The following EXOC4 variants were observed in gnomAD, a reference collection of about 807,000 sequenced individuals.
EXOC4 encodes the protein exocyst complex component 4, also known as SEC8-like 1.
A neutral mutation model predicts 107.2 loss-of-function variants in EXOC4; 71 were observed. The ratio of observed to expected loss-of-function variants is 0.66; its 90% CI spans 0.55 to 0.81. The LOEUF (loss-of-function observed/expected upper bound fraction) is 0.81, where lower values mean the gene tolerates loss of function less well. Ranked by LOEUF, EXOC4 falls within the 30% of genes least tolerant of loss-of-function variation. The probability of loss-of-function intolerance (pLI) is 0.00; values close to 1 mark genes in which losing one functional copy is unlikely to be tolerated. For missense variants in EXOC4, 1,108 were observed against 1,189.6 expected, an observed-to-expected ratio of 0.93 and a Z score of 1.01; for synonymous variants, 456 against 441.2, an observed-to-expected ratio of 1.03 and a Z score of -0.42.
chr7:133,437,348 C>T (rs1045606308), intron 7 of EXOC4, among the ~76,000 whole-genome samples: 3 of 152,170 alleles, frequency 2.0e-5, no homozygotes, highest in East Asian at 3.8e-4. Context: ...CCCTGTGGTA[C>T]AATTTTCTGT....
chr7:133,680,286 A>G (rs1451353189), intron 10 of EXOC4, among the ~76,000 whole-genome samples: 2 of 152,204 alleles, frequency 1.3e-5, no homozygotes, highest in Non-Finnish European at 2.9e-5. Flanking sequence ...ATTCACTACA[A>G]TTCTAAATTG....
intron 10 of EXOC4, among the ~76,000 whole-genome samples, chr7:133,756,218 A>G (rs1795913666): frequency 6.6e-6 from 1 of 152,230 alleles, no homozygotes; most frequent in Non-Finnish European, 1.5e-5. Flanking sequence ...TAAATCAACC[A>G]TAATTACTAT....
intron 11 of EXOC4, among the ~76,000 whole-genome samples, chr7:133,875,717 C>CG (rs1268785657): frequency 2.6e-5 from 4 of 152,290 alleles, no homozygotes; most frequent in African/African-American, 9.6e-5. Flanking sequence ...GTACCACACA[C>CG]TACCTTCACA....
At chr7:133,653,580 G>C (rs954856294) in intron 10 of EXOC4, among the ~76,000 whole-genome samples, 6 of 152,180 alleles carry the variant, frequency 3.9e-5, no homozygotes, top group Non-Finnish European at 8.8e-5. Context: ...TGGGTCTTCA[G>C]CTCTGCAAAT....
At chr7:133,483,980 G>A (rs1351207183) in intron 9 of EXOC4, 1 of 1,578,908 alleles carries the variant, frequency 6.3e-7, no homozygotes, top group Non-Finnish European at 8.7e-7. Flanking sequence ...ACACCATATA[G>A]CGGCAGGCTT....
At chr7:133,410,628 C>T (rs1160836333) in intron 7 of EXOC4, among the ~76,000 whole-genome samples, 1 of 152,052 alleles carries the variant, frequency 6.6e-6, no homozygotes, top group Non-Finnish European at 1.5e-5. Flanking sequence ...CTGGGGATGA[C>T]AGAGGGAGAA....
intron 9 of EXOC4, among the ~76,000 whole-genome samples, chr7:133,522,736 AG>A: frequency 2.6e-5 from 4 of 152,208 alleles, no homozygotes; most frequent in Admixed American, 2.6e-4. Flanking sequence ...TTTTCCCTCC[AG>A]TTGAAGAGCA....
chr7:133,618,633 T>A (rs989050400), intron 9 of EXOC4, among the ~76,000 whole-genome samples: 3 of 152,198 alleles, frequency 2.0e-5, no homozygotes, highest in African/African-American at 4.8e-5. Flanking sequence ...AGGTCAGTAC[T>A]TCAAACATAG....
chr7:134,100,364 C>CAG, the EXOC4 span, among the ~76,000 whole-genome samples: 4 of 128,618 alleles, frequency 3.1e-5, 1 homozygote, highest in African/African-American at 1.1e-4. Flanking sequence ...TCCTCGCCTC[C>CAG]AGAACTGTGA....
chr7:134,003,210 C>G (rs1794569571), intron 15 of EXOC4, among the ~76,000 whole-genome samples: 1 of 152,154 alleles, frequency 6.6e-6, no homozygotes. Flanking sequence ...AGGCTACATA[C>G]TGTATGATTC....
chr7:133,624,633 G>C (rs1378151737), intron 9 of EXOC4, among the ~76,000 whole-genome samples: 2 of 151,908 alleles, frequency 1.3e-5, no homozygotes, highest in African/African-American at 4.8e-5. Context: ...CGCTCTGTCG[G>C]CCAGGTTGGA....
intron 12 of EXOC4, among the ~76,000 whole-genome samples, chr7:133,898,855 A>G (rs963139504): frequency 1.3e-3 from 190 of 143,462 alleles, no homozygotes; most frequent in South Asian, 2.3e-3. Flanking sequence ...GTGTATGCCT[A>G]TAATCCCAGC....
intron 6 of EXOC4, among the ~76,000 whole-genome samples, chr7:133,372,406 T>C (rs980198113): frequency 2.6e-5 from 4 of 152,194 alleles, no homozygotes; most frequent in Non-Finnish European, 2.9e-5. Context: ...GGCCACACTA[T>C]AGGAACAGGC....
chr7:134,021,883 G>A (rs142946869), intron 17 of EXOC4, among the ~76,000 whole-genome samples: 62 of 131,230 alleles, frequency 4.7e-4, no homozygotes, highest in African/African-American at 1.5e-3. Flanking sequence ...AGTCTGTTTC[G>A]CAGAGACACT....
At chr7:133,886,207 C>G (rs141515372) in intron 11 of EXOC4, among the ~76,000 whole-genome samples, 1 of 152,192 alleles carries the variant, frequency 6.6e-6, no homozygotes, top group African/African-American at 2.4e-5. Context: ...TAAGACTCAT[C>G]AAGACTCCAG....
At chr7:133,810,594 TGC>T (rs879307750) in intron 10 of EXOC4, among the ~76,000 whole-genome samples, 15,856 of 56,024 alleles carry the variant, frequency 0.28, 1,125 homozygotes, top group East Asian at 0.38. Flanking sequence ...ATCCATGCTT[TGC>T]TTTATTTTAT....
At chr7:133,874,020 A>G (rs1798799620) in intron 11 of EXOC4, among the ~76,000 whole-genome samples, 1 of 152,178 alleles carries the variant, frequency 6.6e-6, no homozygotes, top group African/African-American at 2.4e-5. Flanking sequence ...TCTCTTGACA[A>G]ATTATGTGCT....
the EXOC4 span, among the ~76,000 whole-genome samples, chr7:134,095,906 G>A: frequency 6.6e-6 from 1 of 152,048 alleles, no homozygotes; most frequent in African/African-American, 2.4e-5. Context: ...CATGGGCTCT[G>A]GGAAATAATT....
intron 11 of EXOC4, among the ~76,000 whole-genome samples, chr7:133,847,245 A>G (rs776529509): frequency 3.3e-5 from 5 of 152,204 alleles, no homozygotes; most frequent in African/African-American, 7.2e-5. Flanking sequence ...AAAGAGCATA[A>G]TTTAGATAAA....
Sources: allele counts gnomAD v4.1 joint callset (sites outside exome capture counted in the v4.1 genomes callset), GRCh38; gene constraint gnomAD v4.1.1; transcripts MANE v1.5; gene names NCBI Gene and HGNC (gene_info 2026-07-23, HGNC 2026-07-21).